The following PCSK5 variants were observed in gnomAD, a reference collection of about 807,000 sequenced individuals.
PCSK5 encodes the protein prohormone convertase 5.
In PCSK5, 129 loss-of-function variants were observed where a neutral mutation model predicts 233.2. The ratio of observed to expected loss-of-function variants is 0.55; its 90% CI spans 0.48 to 0.64. The LOEUF is 0.64. Ranked by LOEUF, PCSK5 falls within the 30% of genes least tolerant of loss-of-function variation. PCSK5 has a pLI of 0.00. For synonymous variants in PCSK5, 825 were observed against 879.2 expected (o/e 0.94, Z 1.09); for missense variants, 2,076 against 2,430.1 (o/e 0.85, Z 3.06).
chr9:75,946,878 G>A (rs1009792050), intron 2 of PCSK5, among the ~76,000 whole-genome samples: 1 of 152,076 alleles, frequency 6.6e-6, no homozygotes, highest in Non-Finnish European at 1.5e-5. Context: ...ATAAGCCACC[G>A]CGCCCAGCCA....
At chr9:76,320,301 G>T in intron 30 of PCSK5, among the ~76,000 whole-genome samples, 1 of 151,402 alleles carries the variant, frequency 6.6e-6, no homozygotes, top group East Asian at 2.0e-4. Flanking sequence ...ATGGTGGCAC[G>T]CACCTCTAGT....
chr9:76,211,775 G>C (rs184191838), intron 20 of PCSK5, among the ~76,000 whole-genome samples: 4 of 152,306 alleles, frequency 2.6e-5, no homozygotes, highest in Admixed American at 2.0e-4. Context: ...TTAAGCCTGG[G>C]AGCTTGAGGC....
In PCSK5 at chr9:75,891,095, G is replaced by A. The variant is rs908752731; in HGVS notation, c.-87G>A. The A allele has an allele frequency of 2.7e-5, 29 of 1,079,096 alleles. No homozygotes were observed. Among genetic ancestry groups the A allele is most frequent in the African/African-American group, 8.1e-5 (5 of 61,370 alleles). 66.8% of individuals were successfully genotyped at this position (1,079,096 alleles called of 1,614,324 possible). On this transcript the variant is annotated 5_prime_UTR_variant, in exon 1 of 38. Coordinates refer to ENST00000674117, the MANE Select transcript of PCSK5 (RefSeq NM_001372043.1). Reference sequence around the variant, plus strand: ...TGCGGCGGCCCGGGGCTGCTCGCCGGGCGGCGCAGGCCGGAGAAGTTAGTT... The same window carrying A: ...TGCGGCGGCCCGGGGCTGCTCGCCGAGCGGCGCAGGCCGGAGAAGTTAGTT...
At chr9:75,968,897 G>A (rs904659012) in intron 2 of PCSK5, among the ~76,000 whole-genome samples, 3 of 152,054 alleles carry the variant, frequency 2.0e-5, no homozygotes, top group African/African-American at 4.8e-5. Flanking sequence ...CATAGATGTC[G>A]TTATGTACAT....
chr9:76,354,632 C>T (rs1490797245), intron 37 of PCSK5, among the ~76,000 whole-genome samples: 1 of 152,138 alleles, frequency 6.6e-6, no homozygotes, highest in Non-Finnish European at 1.5e-5. Context: ...AAAAAATTAG[C>T]TGGGCGTGGT....
intron 24 of PCSK5, among the ~76,000 whole-genome samples, chr9:76,255,771 G>A (rs1262754099): frequency 6.6e-6 from 1 of 152,142 alleles, no homozygotes; most frequent in African/African-American, 2.4e-5. Flanking sequence ...GGAGGCTGAG[G>A]CTGCAGTGAA....
chr9:76,004,086 C>A (rs145393829), intron 3 of PCSK5, among the ~76,000 whole-genome samples: 12 of 152,264 alleles, frequency 7.9e-5, no homozygotes, highest in African/African-American at 2.9e-4. Flanking sequence ...GCATGAAACA[C>A]CGTGTCCAGC....
intron 3 of PCSK5, among the ~76,000 whole-genome samples, chr9:76,020,793 C>T (rs185059642): frequency 2.6e-5 from 4 of 152,298 alleles, no homozygotes; most frequent in African/African-American, 4.8e-5. Flanking sequence ...CACTCCAGGC[C>T]GGTTATCCCA....
intron 24 of PCSK5, among the ~76,000 whole-genome samples, chr9:76,261,406 A>G (rs1038384414): frequency 3.3e-5 from 5 of 152,210 alleles, no homozygotes; most frequent in African/African-American, 9.6e-5. Context: ...TAAGAACTGA[A>G]AAATGACTCT....
chr9:75,921,321 A>G (rs902405023), intron 1 of PCSK5, among the ~76,000 whole-genome samples: 1 of 152,178 alleles, frequency 6.6e-6, no homozygotes, highest in Non-Finnish European at 1.5e-5. Flanking sequence ...AGTACTTTTT[A>G]AAGTCCCCGT....
intron 24 of PCSK5, among the ~76,000 whole-genome samples, chr9:76,277,611 A>G (rs761609172): frequency 6.6e-6 from 1 of 152,184 alleles, no homozygotes; most frequent in Non-Finnish European, 1.5e-5. Context: ...ATTACTGCCG[A>G]TTCAAACATT....
chr9:75,907,377 G>T (rs1046963854), intron 1 of PCSK5, among the ~76,000 whole-genome samples: 2 of 152,128 alleles, frequency 1.3e-5, no homozygotes, highest in Non-Finnish European at 1.5e-5. Flanking sequence ...ATATAGTCAA[G>T]AATGAAATCA....
rs1365435018 is a variant in PCSK5, at chr9:76,071,730, G to A, written c.726G>A (p.Val242=). 1 of 1,611,464 alleles carries A rather than the reference G, an allele frequency of 6.2e-7. No individual in the cohort carries two copies. Among genetic ancestry groups the A allele is most frequent in the South Asian group, 1.1e-5 (1 of 90,722 alleles). ...GTTCTCCTTTCTGTGTTGAAGGAGT[G>A]CGAATGCTGGACGGAGATGTCACGG... ...GIAFNAKIGG[V]RMLDGDVTDM... is the part of the protein sequence containing the mutation. The change falls in exon 7 of 38, where the codon GTG becomes GTA. Residue 242 remains valine (V), a synonymous_variant. Transcript: ENST00000674117.
intron 1 of PCSK5, among the ~76,000 whole-genome samples, chr9:75,925,905 C>T (rs1823464220): frequency 1.3e-5 from 2 of 152,226 alleles, no homozygotes; most frequent in African/African-American, 4.8e-5. Flanking sequence ...AGTATCTCAT[C>T]ACTGCCTCTG....
chr9:75,978,718 CTG>C (rs1262120841), intron 2 of PCSK5, among the ~76,000 whole-genome samples: 22 of 152,128 alleles, frequency 1.4e-4, no homozygotes, highest in Admixed American at 1.2e-3. Context: ...CATCCAACAA[CTG>C]ATATTATTTC....
In PCSK5 at chr9:75,908,941, GTCTATCTATCTATCTA is replaced by G. The variant is rs58082978; in HGVS notation, c.192+17603_192+17618del. On this transcript the variant is annotated intron_variant, in intron 1 of 37. Coordinates refer to ENST00000674117, the MANE Select transcript of PCSK5 (RefSeq NM_001372043.1). ...TATCTATCTCTCTATCTCTCTCTCT[GTCTATCTATCTATCTA>G]TCTATCTATCTATCTATCTATCTAT... Among the ~76,000 whole-genome samples, 651 of 116,608 alleles carry G rather than the reference GTCTATCTATCTATCTA, an allele frequency of 5.6e-3. 6 individuals are homozygous for G. The highest frequency in any genetic ancestry group is 0.019 in the African/African-American group (606 of 31,894). 76.5% of individuals were successfully genotyped at this position (116,608 alleles called of 152,430 possible). A position where few individuals can be genotyped will look rare whatever the true frequency, so the allele number is the denominator to read the frequency against.
rs927804422 is a variant in PCSK5 at position 76,362,783 on chromosome 9, C to T, written c.*3861C>T. 1.6e-4 allele frequency among the ~76,000 whole-genome samples: 25 copies of T among 152,176 alleles called. No individual in the cohort carries two copies. The highest frequency in any genetic ancestry group is 5.9e-4 in the Admixed American group (9 of 15,280). ...TAAAAATCCCTGTCCTGTGCTGTTT[C>T]GTTCTGATTACTGGTGCATGCAGTC... is the stretch of plus-strand genomic sequence containing the variant. On this transcript the variant is annotated 3_prime_UTR_variant, in exon 38 of 38. Coordinates refer to ENST00000674117, the MANE Select transcript of PCSK5 (RefSeq NM_001372043.1).
rs550817141 is a variant in PCSK5, at chr9:76,338,630, T to C, written c.4966+183T>C. Among the ~76,000 whole-genome samples, 327 of 152,154 alleles carry C rather than the reference T, an allele frequency of 2.1e-3. 2 individuals are homozygous for C. Among genetic ancestry groups the C allele is most frequent in the African/African-American group, 7.2e-3 (300 of 41,532 alleles). On this transcript the variant is annotated intron_variant, in intron 35 of 37. Transcript: ENST00000674117. ...TAACTTCCACATCTTCCCTCTAACC[T>C]GGGCTGCTCCTGCCCATCCCCCATC...
intron 2 of PCSK5, among the ~76,000 whole-genome samples, chr9:75,983,792 C>T (rs1200745698): frequency 2.6e-5 from 4 of 152,114 alleles, no homozygotes. Context: ...CTGTATAATG[C>T]ATAACCTCTG....
Sources: allele counts gnomAD v4.1 joint callset (sites outside exome capture counted in the v4.1 genomes callset), GRCh38; gene constraint gnomAD v4.1.1; transcripts MANE v1.5; gene names NCBI Gene and HGNC (gene_info 2026-07-23, HGNC 2026-07-21).